The following CSRNP3 variants were observed in gnomAD, a reference collection of about 807,000 sequenced individuals.
CSRNP3 encodes cysteine/serine-rich nuclear protein 3.
Under a neutral mutation model 48.0 loss-of-function variants are expected in CSRNP3, and 12 were observed. That is an observed-to-expected ratio of 0.25 (90% confidence interval 0.16 to 0.41). The LOEUF (loss-of-function observed/expected upper bound fraction) is 0.41, where lower values mean the gene tolerates loss of function less well. Among genes scored for constraint, CSRNP3 ranks in the 10% least tolerant of loss-of-function variants. The probability of loss-of-function intolerance (pLI) is 1.00; values close to 1 mark genes in which losing one functional copy is unlikely to be tolerated. For synonymous variants in CSRNP3, 263 were observed against 269.7 expected (o/e 0.98, Z 0.24); for missense variants, 580 against 724.4 (o/e 0.80, Z 2.29).
In CSRNP3 at chr2:165,473,030, A is replaced by G. The variant is rs540820495; in HGVS notation, c.-283+3290A>G. Among the ~76,000 whole-genome samples the G allele has an allele frequency of 9.2e-5, 14 of 152,250 alleles. No individual in the cohort carries two copies. In the East Asian group the frequency reaches 2.7e-3, roughly 29 times the overall value. On this transcript the variant is annotated intron_variant, in intron 1 of 6. Transcript: ENST00000651982. ...TTAAAAAGCAAGCTAACAACAAATC[A>G]GATAGACTAGTAAATGGATTATGTG...
At chr2:165,532,606 C>T (rs1174141606) in intron 3 of CSRNP3, among the ~76,000 whole-genome samples, 1 of 151,158 alleles carries the variant, frequency 6.6e-6, no homozygotes, top group Non-Finnish European at 1.5e-5. Context: ...CAATATCATA[C>T]TGAATGGGCA....
intron 3 of CSRNP3, among the ~76,000 whole-genome samples, chr2:165,520,471 T>C (rs1684636210): frequency 6.6e-6 from 1 of 151,868 alleles, no homozygotes; most frequent in African/African-American, 2.4e-5. Flanking sequence ...TTTGTTTTCA[T>C]TGAGGATAAG....
intron 4 of CSRNP3, among the ~76,000 whole-genome samples, chr2:165,646,452 C>T (rs1402546499): frequency 6.6e-6 from 1 of 152,132 alleles, no homozygotes; most frequent in Non-Finnish European, 1.5e-5. Flanking sequence ...TGGGAAGTCA[C>T]TGAGCAGGTG....
chr2:165,494,279 A>T lies in CSRNP3; in HGVS notation c.-282-480A>T, dbSNP rs142403355. The stretch of plus-strand genomic sequence containing the variant: ...CAACCAATTTGATTTTTGATGGACA[A>T]AGAGCCCCAGGAAAATAGATGCCCT... On this transcript the variant is annotated intron_variant, in intron 1 of 6. Transcript: ENST00000651982. Among the ~76,000 whole-genome samples, 324 of 152,182 alleles carry T rather than the reference A, an allele frequency of 2.1e-3. 1 individual carries two copies. The highest frequency in any genetic ancestry group is 3.4e-3 in the Middle Eastern group (1 of 294).
intron 2 of CSRNP3, among the ~76,000 whole-genome samples, chr2:165,503,037 GTGAA>G (rs952500438): frequency 1.3e-5 from 2 of 151,720 alleles, no homozygotes; most frequent in Non-Finnish European, 2.9e-5. Context: ...TAGTTATTTG[GTGAA>G]TGCATATACA....
Position 165,637,036 on chromosome 2 carries a change from T to C in CSRNP3, c.149-20725T>C, listed in dbSNP as rs961817972. On this transcript the variant is annotated intron_variant, in intron 4 of 6. Coordinates refer to ENST00000651982, the MANE Select transcript of CSRNP3 (RefSeq NM_001172173.2). The stretch of plus-strand genomic sequence containing the variant: ...TTGGCTTGTTTTGTTGTTTTGTTTT[T>C]GTTTTTAGCTAAAATTTCTGATAGA... 5.9e-5 allele frequency among the ~76,000 whole-genome samples: 9 copies of C among 152,300 alleles called. No homozygotes were observed. The Middle Eastern group carries it at 0.024, about 403-fold the overall frequency.
At chr2:165,514,110 T>C (rs1684543708) in intron 2 of CSRNP3, among the ~76,000 whole-genome samples, 1 of 152,236 alleles carries the variant, frequency 6.6e-6, no homozygotes, top group Non-Finnish European at 1.5e-5. Context: ...AGACAAATGA[T>C]GTTATATTTA....
rs186104472 is a variant in CSRNP3 at position 165,500,948 on chromosome 2, C to T, written c.-113+6020C>T. The stretch of plus-strand genomic sequence containing the variant: ...CATAGCCTGTCCTATTTTATGATTT[C>T]CTCCAAAGATGCTGTCCATTATCTT... On this transcript the variant is annotated intron_variant, in intron 2 of 6. Coordinates refer to ENST00000651982, the MANE Select transcript of CSRNP3 (RefSeq NM_001172173.2). Among the ~76,000 whole-genome samples, 729 of 152,224 alleles carry T rather than the reference C, an allele frequency of 4.8e-3. 8 individuals are homozygous for T. Among genetic ancestry groups the T allele is most frequent in the African/African-American group, 0.016 (660 of 41,544 alleles).
Position 165,679,985 on chromosome 2 carries a change from A to C in CSRNP3, c.*232A>C. The C allele has an allele frequency of 9.0e-6, 5 of 558,626 alleles. No individual in the cohort carries two copies. In the East Asian group the frequency reaches 1.6e-4, roughly 18 times the overall value. The allele number at this position is 558,626 out of a possible 1,614,324, so 34.6% of individuals were successfully genotyped here. A position where few individuals can be genotyped will look rare whatever the true frequency, so the allele number is the denominator to read the frequency against. On this transcript the variant is annotated 3_prime_UTR_variant, in exon 7 of 7. Transcript: ENST00000651982. ...AGACTGTTTTGATAGAAAAAGCTAA[A>C]TTTTAAAATGCATATCTCACAGTTG... is the stretch of plus-strand genomic sequence containing the variant.
chr2:165,607,928 T>C (rs1032449631), intron 4 of CSRNP3, among the ~76,000 whole-genome samples: 1 of 151,796 alleles, frequency 6.6e-6, no homozygotes, highest in South Asian at 2.1e-4. Flanking sequence ...GTATTATAAT[T>C]TGCATCAGAT....
intron 5 of CSRNP3, among the ~76,000 whole-genome samples, chr2:165,661,699 A>G (rs971227979): frequency 7.9e-5 from 12 of 152,308 alleles, no homozygotes; most frequent in African/African-American, 2.6e-4. Context: ...AGCATTCCAG[A>G]AAGAAAAGTA....
Position 165,591,127 on chromosome 2 carries a change from T to G in CSRNP3, c.-23-3916T>G, listed in dbSNP as rs1321777800. ...AACACTTTGACCAAAATGCTGATAG[T>G]GATATGGACAATGAAGCCCAGCCTC... On this transcript the variant is annotated intron_variant, in intron 3 of 6. Transcript: ENST00000651982. Among the ~76,000 whole-genome samples the G allele has an allele frequency of 3.3e-5, 5 of 152,088 alleles. No homozygotes were observed. In the East Asian group the frequency reaches 9.7e-4, roughly 29 times the overall value.
intron 2 of CSRNP3, among the ~76,000 whole-genome samples, chr2:165,507,481 G>T (rs1433469723): frequency 6.6e-6 from 1 of 152,064 alleles, no homozygotes; most frequent in African/African-American, 2.4e-5. Flanking sequence ...GGGCTCCTCT[G>T]TATTCACCCT....
rs200027108 is a variant in CSRNP3, at chr2:165,577,665, T to TA, written c.-23-17377dup. 1.1e-3 allele frequency among the ~76,000 whole-genome samples: 166 copies of TA among 151,870 alleles called. 3 individuals carry two copies. Among genetic ancestry groups the TA allele is most frequent in the East Asian group, 7.9e-3 (41 of 5,184 alleles). Reference sequence around the variant, plus strand: ...TGTTCTCCAACACCAAATAGCCTCTTACTATTATATACTTTTATATATAAT... The same window carrying TA: ...TGTTCTCCAACACCAAATAGCCTCTTAACTATTATATACTTTTATATATAAT... On this transcript the variant is annotated intron_variant, in intron 3 of 6. Coordinates refer to ENST00000651982, the MANE Select transcript of CSRNP3 (RefSeq NM_001172173.2).
intron 3 of CSRNP3, among the ~76,000 whole-genome samples, chr2:165,524,548 C>T (rs1406155436): frequency 2.0e-5 from 3 of 152,026 alleles, no homozygotes; most frequent in Non-Finnish European, 2.9e-5. Flanking sequence ...ATGTAACTTT[C>T]GCAACAATCA....
At chr2:165,530,630 A>G (rs900507625) in intron 3 of CSRNP3, among the ~76,000 whole-genome samples, 1 of 152,126 alleles carries the variant, frequency 6.6e-6, no homozygotes, top group African/African-American at 2.4e-5. Flanking sequence ...GAACATGATG[A>G]ATTTAGGAGC....
At chr2:165,618,196 G>C (rs953337473) in intron 4 of CSRNP3, among the ~76,000 whole-genome samples, 2 of 152,188 alleles carry the variant, frequency 1.3e-5, no homozygotes, top group African/African-American at 4.8e-5. Context: ...ATGGGAATAT[G>C]GTTTACTGAG....
chr2:165,640,910 C>T (rs1275267675), intron 4 of CSRNP3, among the ~76,000 whole-genome samples: 1 of 152,250 alleles, frequency 6.6e-6, no homozygotes, highest in Admixed American at 6.5e-5. Context: ...AAACTATGAT[C>T]GTGCTGCTGA....
At chr2:165,547,059 A>C (rs1685039607) in intron 3 of CSRNP3, among the ~76,000 whole-genome samples, 1 of 152,150 alleles carries the variant, frequency 6.6e-6, no homozygotes, top group Non-Finnish European at 1.5e-5. Context: ...AACCACTGTC[A>C]ATGTATTTTG....
Sources: gnomAD v4.1 joint callset for allele counts (sites outside exome capture counted in the v4.1 genomes callset) on GRCh38, gnomAD v4.1.1 for gene constraint, MANE v1.5 for transcripts, NCBI Gene and HGNC (gene_info 2026-07-23, HGNC 2026-07-21) for gene names.